Variants in IL1RAPL1 observed in about 807,000 individuals in gnomAD.
IL1RAPL1 encodes the protein interleukin-1 receptor accessory protein-like 1.
A neutral mutation model predicts 48.4 loss-of-function variants in IL1RAPL1; 3 were observed. The observed-to-expected ratio is 0.06, with a 90% CI of 0.03 to 0.16. The LOEUF is 0.16. Ranked by LOEUF, IL1RAPL1 falls within the 10% of genes least tolerant of loss-of-function variation. The pLI is 1.00. For missense variants in IL1RAPL1, 349 were observed against 530.6 expected (o/e 0.66, Z 3.36); for synonymous variants, 185 against 187.7 (o/e 0.99, Z 0.12).
intron 1 of IL1RAPL1, among the ~76,000 whole-genome samples, chrX:28,601,291 C>T (rs1449681571): frequency 1.8e-5 from 2 of 110,493 alleles, no homozygotes; most frequent in Admixed American, 1.9e-4. Flanking sequence ...CGTGGTGGCG[C>T]GTGCCTGTAG....
At chrX:29,732,261 C>T (rs188811469) in intron 6 of IL1RAPL1, among the ~76,000 whole-genome samples, 1 of 111,670 alleles carries the variant, frequency 9.0e-6, no homozygotes, top group East Asian at 2.8e-4. Flanking sequence ...TTTGTTAATT[C>T]TCATTACTTT....
At chrX:29,513,994 T>C (rs1206573638) in intron 5 of IL1RAPL1, among the ~76,000 whole-genome samples, 1 of 111,905 alleles carries the variant, frequency 8.9e-6, no homozygotes, top group Non-Finnish European at 1.9e-5. Flanking sequence ...CCTGGTTTGA[T>C]TTGACATATG....
At chrX:29,575,740 G>T (rs775354981) in intron 5 of IL1RAPL1, among the ~76,000 whole-genome samples, 41 of 112,378 alleles carry the variant, frequency 3.6e-4, no homozygotes, top group African/African-American at 1.1e-3. Flanking sequence ...CAGTGGTGTT[G>T]TCCTGAATGA....
chrX:28,667,542 A>G (rs1455601125), intron 1 of IL1RAPL1, among the ~76,000 whole-genome samples: 1 of 111,758 alleles, frequency 8.9e-6, no homozygotes, highest in Non-Finnish European at 1.9e-5. Context: ...GCCTCATGCT[A>G]GTAACTCCCT....
At chrX:29,783,056 C>T (rs1328581324) in intron 6 of IL1RAPL1, among the ~76,000 whole-genome samples, 2 of 106,548 alleles carry the variant, frequency 1.9e-5, no homozygotes, top group East Asian at 5.8e-4. Context: ...AGGCGCCTGC[C>T]ACTACGCCCG....
At chrX:29,653,464 G>A (rs945993665) in intron 5 of IL1RAPL1, among the ~76,000 whole-genome samples, 1 of 111,746 alleles carries the variant, frequency 8.9e-6, no homozygotes, top group Admixed American at 9.6e-5. Flanking sequence ...TCTGTTTGTT[G>A]CCAAGTAACT....
At chrX:28,886,360 A>ATG (rs1369609769) in intron 2 of IL1RAPL1, among the ~76,000 whole-genome samples, 1 of 109,559 alleles carries the variant, frequency 9.1e-6, no homozygotes, top group Non-Finnish European at 1.9e-5. Context: ...GAAGATATAT[A>ATG]TGTACTATAT....
chrX:29,333,650 G>A (rs1394318471), intron 3 of IL1RAPL1, among the ~76,000 whole-genome samples: 1 of 81,480 alleles, frequency 1.2e-5, no homozygotes. Context: ...TTCCCAGTAG[G>A]GGCGGCCGGG....
At chrX:29,844,400 C>G (rs1267254308) in intron 6 of IL1RAPL1, among the ~76,000 whole-genome samples, 1 of 111,003 alleles carries the variant, frequency 9.0e-6, no homozygotes, top group Non-Finnish European at 1.9e-5. Flanking sequence ...TCAATGATGT[C>G]CTCTCTGAAG....
intron 2 of IL1RAPL1, among the ~76,000 whole-genome samples, chrX:28,917,859 A>G (rs1923525093): frequency 8.9e-6 from 1 of 112,291 alleles, no homozygotes; most frequent in South Asian, 3.6e-4. Flanking sequence ...ATCACCATCC[A>G]TGTATAGAAC....
chrX:29,801,080 A>AAAAAAAC (rs1929891087), intron 6 of IL1RAPL1, among the ~76,000 whole-genome samples: 1 of 87,094 alleles, frequency 1.1e-5, no homozygotes. Context: ...AAAAAAAAAA[A>AAAAAAAC]CTCATCTTTT....
At chrX:29,335,050 G>A (rs1248611449) in intron 3 of IL1RAPL1, among the ~76,000 whole-genome samples, 5 of 112,061 alleles carry the variant, frequency 4.5e-5, no homozygotes, top group Non-Finnish European at 9.5e-5. Flanking sequence ...GAGGCTGGCG[G>A]ATCACTCGCG....
chrX:29,323,782 T>TCC (rs1352301411), intron 3 of IL1RAPL1, among the ~76,000 whole-genome samples: 8 of 56,229 alleles, frequency 1.4e-4, no homozygotes, highest in Non-Finnish European at 2.2e-4. Context: ...TATATATATA[T>TCC]ATCCCCTTCT....
At chrX:29,418,228 C>T (rs1205760903) in intron 5 of IL1RAPL1, among the ~76,000 whole-genome samples, 4 of 98,944 alleles carry the variant, frequency 4.0e-5, no homozygotes, top group African/African-American at 7.5e-5. Context: ...AGGTTTCAAG[C>T]GATTCTTCTG....
chrX:29,580,408 T>C (rs1230410815), intron 5 of IL1RAPL1, among the ~76,000 whole-genome samples: 1 of 111,888 alleles, frequency 8.9e-6, no homozygotes, highest in East Asian at 2.8e-4. Context: ...GATAGCTAGC[T>C]CTACTGGACA....
chrX:29,341,834 TCTCA>T (rs1933080191), intron 3 of IL1RAPL1, among the ~76,000 whole-genome samples: 1 of 110,590 alleles, frequency 9.0e-6, no homozygotes, highest in South Asian at 3.9e-4. Context: ...TGAGACAGAG[TCTCA>T]CTCTCTCACC....
intron 1 of IL1RAPL1, among the ~76,000 whole-genome samples, chrX:28,688,308 A>C (rs1193002954): frequency 9.2e-6 from 1 of 109,058 alleles, no homozygotes; most frequent in African/African-American, 3.3e-5. Flanking sequence ...TGGGAGGCTC[A>C]AGTGGTCCTC....
intron 5 of IL1RAPL1, among the ~76,000 whole-genome samples, chrX:29,571,964 A>AG (rs1922609521): frequency 8.9e-6 from 1 of 112,250 alleles, no homozygotes; most frequent in Non-Finnish European, 1.9e-5. Flanking sequence ...AAATCTGGCA[A>AG]GGACCTTTAA....
At chrX:29,507,695 A>G (rs1325451976) in intron 5 of IL1RAPL1, among the ~76,000 whole-genome samples, 1 of 109,612 alleles carries the variant, frequency 9.1e-6, no homozygotes, top group Non-Finnish European at 1.9e-5. Context: ...TAGTACCTAT[A>G]GTGTGTTCAA....
Sources: gnomAD v4.1 joint callset for allele counts (sites outside exome capture counted in the v4.1 genomes callset) on GRCh38, gnomAD v4.1.1 for gene constraint, MANE v1.5 for transcripts, NCBI Gene and HGNC (gene_info 2026-07-23, HGNC 2026-07-21) for gene names.